Variants in LRRK1 observed in about 807,000 individuals in gnomAD.
LRRK1 encodes the protein leucine-rich repeat serine/threonine-protein kinase 1.
LRRK1 carries 113 observed loss-of-function variants against 209.1 expected under a neutral mutation model. The observed-to-expected ratio is 0.54, with a 90% confidence interval of 0.46 to 0.63. The LOEUF is 0.63. LRRK1 is among the 30% of genes least tolerant of loss of function. The pLI is 0.00. For missense variants in LRRK1, 2,284 were observed against 2,632.2 expected (o/e 0.87, Z 2.89); for synonymous variants, 1,144 against 1,099.7 (o/e 1.04, Z -0.80).
chr15:101,006,128 C>G lies in LRRK1; in HGVS notation c.763-2709C>G, dbSNP rs1243189193. On this transcript the variant is annotated intron_variant, in intron 6 of 33. Coordinates refer to ENST00000388948, the MANE Select transcript of LRRK1 (RefSeq NM_024652.6). ...ATAGACACCACCTTAACCATGAGAC[C>G]AAACAGGGCACCACCTGTAGCAGGA... 4.4e-4 allele frequency among the ~76,000 whole-genome samples: 67 copies of G among 152,098 alleles called. 1 individual carries two copies. Among genetic ancestry groups the G allele is most frequent in the Admixed American group, 4.4e-3 (67 of 15,266 alleles).
chr15:101,012,623 G>A (rs1293257338), intron 10 of LRRK1, among the ~76,000 whole-genome samples: 3 of 152,160 alleles, frequency 2.0e-5, no homozygotes, highest in African/African-American at 4.8e-5. Context: ...GGGCCCTGTA[G>A]TGGACCCCCA....
At chr15:100,962,359 G>A (rs112040931) in intron 2 of LRRK1, among the ~76,000 whole-genome samples, 23 of 152,054 alleles carry the variant, frequency 1.5e-4, no homozygotes, top group Non-Finnish European at 2.6e-4. Flanking sequence ...GCGAAACCCT[G>A]TCTCCATTAA....
At chr15:101,008,805 C>A in intron 6 of LRRK1, 32 bp from the exon 7 acceptor site, 1 of 1,533,412 alleles carries the variant, frequency 6.5e-7, no homozygotes. Context: ...ACTCACCCTC[C>A]ACATGTGCTT....
At chr15:100,999,712 C>T (rs7164432) in intron 6 of LRRK1, among the ~76,000 whole-genome samples, 76,364 of 152,062 alleles carry the variant, frequency 0.5, 21,408 homozygotes, top group African/African-American at 0.77. Flanking sequence ...AGCTGATTCT[C>T]TATTTTCCTT....
rs575990919 is a variant in LRRK1, at chr15:101,047,803, C to T, written c.3136-691C>T. Among the ~76,000 whole-genome samples, 211 of 152,292 alleles carry T rather than the reference C, an allele frequency of 1.4e-3. 1 individual carries two copies. Among genetic ancestry groups the T allele is most frequent in the Admixed American group, 3.7e-3 (56 of 15,304 alleles). On this transcript the variant is annotated intron_variant, in intron 21 of 33. Transcript: ENST00000388948. The stretch of plus-strand genomic sequence containing the variant: ...AGAGCTTTAAAACGATCAGACCCTT[C>T]GACCAATAATCCGACTGGTAAACAT...
chr15:100,984,569 G>A (rs1253257033), intron 4 of LRRK1, among the ~76,000 whole-genome samples: 1 of 142,082 alleles, frequency 7.0e-6, no homozygotes, highest in Non-Finnish European at 1.5e-5. Context: ...CGCTCTAGTT[G>A]GAATCCCACA....
chr15:100,980,829 G>A (rs1200076368), intron 3 of LRRK1, among the ~76,000 whole-genome samples: 1 of 152,206 alleles, frequency 6.6e-6, no homozygotes, highest in Non-Finnish European at 1.5e-5. Flanking sequence ...GGAACAAAGA[G>A]GGCTTCTGGG....
chr15:101,007,886 C>T (rs1433642966), intron 6 of LRRK1, among the ~76,000 whole-genome samples: 4 of 152,130 alleles, frequency 2.6e-5, no homozygotes, highest in Non-Finnish European at 5.9e-5. Context: ...AGAAGTGGCT[C>T]ATGCCTGTAA....
intron 20 of LRRK1, among the ~76,000 whole-genome samples, chr15:101,041,641 C>T (rs980433709): frequency 4.6e-5 from 7 of 152,038 alleles, no homozygotes; most frequent in African/African-American, 7.3e-5. Context: ...AGCACGATAC[C>T]AGGACATTAC....
intron 6 of LRRK1, among the ~76,000 whole-genome samples, chr15:101,006,744 T>G (rs925895649): frequency 1.3e-5 from 2 of 152,210 alleles, no homozygotes; most frequent in Non-Finnish European, 2.9e-5. Flanking sequence ...TGTGTATTTG[T>G]GTGGAGAAAG....
chr15:100,923,507 A>G (rs1350366996), intron 1 of LRRK1, among the ~76,000 whole-genome samples: 1 of 152,222 alleles, frequency 6.6e-6, no homozygotes. Context: ...AGGATATGCT[A>G]TAAGAACAAG....
intron 2 of LRRK1, among the ~76,000 whole-genome samples, chr15:100,927,108 C>A (rs2042129907): frequency 6.6e-6 from 1 of 152,078 alleles, no homozygotes. Flanking sequence ...TGCACATGTC[C>A]CCTGGGGATC....
intron 32 of LRRK1, among the ~76,000 whole-genome samples, 179 bp downstream of exon 32, chr15:101,066,384 A>G (rs2036532737): frequency 6.6e-6 from 1 of 152,210 alleles, no homozygotes. Flanking sequence ...CAAATCTAAG[A>G]GTGGCCGCAC....
chr15:100,950,987 C>T (rs2042638937), intron 2 of LRRK1, among the ~76,000 whole-genome samples: 1 of 152,194 alleles, frequency 6.6e-6, no homozygotes, highest in Non-Finnish European at 1.5e-5. Flanking sequence ...CCTGTAGTCC[C>T]AGCTATTTGG....
rs113920101 is a variant in LRRK1 at position 101,048,487 on chromosome 15, C to T, written c.3136-7C>T. ...TACTTAAGCAGGGTCTTTTCTCTGTCTTTCAGCTTTTTGAAAACAAGAAGA... is the reference window on the plus strand; with the variant it reads ...TACTTAAGCAGGGTCTTTTCTCTGTTTTTCAGCTTTTTGAAAACAAGAAGA... On this transcript the variant is annotated splice_polypyrimidine_tract_variant and splice_region_variant and intron_variant, in intron 21 of 33. Transcript: ENST00000388948. 1.0e-5 allele frequency: 16 copies of T among 1,602,664 alleles called. 1 individual carries two copies. The African/African-American group carries it at 1.2e-4, about 12-fold the overall frequency.
Position 101,057,066 on chromosome 15 carries a change from GAGC to G in LRRK1, c.4527+17_4527+19del, listed in dbSNP as rs774443057. 11 of 1,577,720 alleles carry G rather than the reference GAGC, an allele frequency of 7.0e-6. No homozygotes were observed. The highest frequency in any genetic ancestry group is 9.5e-6 in the Non-Finnish European group (11 of 1,160,772). On this transcript the variant is annotated intron_variant, in intron 28 of 33. Transcript: ENST00000388948. ...GCCAGAGAAGGTACTTGGGGACACAGAGCCCAGGGCCTGGGACCTCCTGCCATG... is the reference window on the plus strand; with the variant it reads ...GCCAGAGAAGGTACTTGGGGACACAGCCAGGGCCTGGGACCTCCTGCCATG...
chr15:100,981,049 G>T (rs1412209825), intron 3 of LRRK1, among the ~76,000 whole-genome samples: 1 of 152,236 alleles, frequency 6.6e-6, no homozygotes, highest in Non-Finnish European at 1.5e-5. Flanking sequence ...AATATGTTCT[G>T]GAAGGCATCC....
chr15:101,021,456 T>C lies in LRRK1; in HGVS notation c.1739+274T>C, dbSNP rs149204666. On this transcript the variant is annotated intron_variant, in intron 13 of 33. Transcript: ENST00000388948. ...TCATCCTTTCATTACTGAGCTCCCATTGCATGCCAGCTACTGCCAGGGGTT... is the reference window on the plus strand; with the variant it reads ...TCATCCTTTCATTACTGAGCTCCCACTGCATGCCAGCTACTGCCAGGGGTT... 4.2e-4 allele frequency among the ~76,000 whole-genome samples: 64 copies of C among 152,266 alleles called. No individual in the cohort carries two copies. The East Asian group carries it at 0.012, about 28-fold the overall frequency.
chr15:100,925,925 A>C (rs1350308662), intron 2 of LRRK1, among the ~76,000 whole-genome samples: 5 of 152,358 alleles, frequency 3.3e-5, no homozygotes, highest in African/African-American at 1.2e-4. Flanking sequence ...TGAAAGGGTC[A>C]ACAGGTTGGG....
Sources: gnomAD v4.1 joint callset for allele counts (sites outside exome capture counted in the v4.1 genomes callset) on GRCh38, gnomAD v4.1.1 for gene constraint, MANE v1.5 for transcripts, NCBI Gene and HGNC (gene_info 2026-07-23, HGNC 2026-07-21) for gene names.